The following NCKAP5 variants were observed in gnomAD, a reference collection of about 807,000 sequenced individuals.
NCKAP5 encodes the protein NCK associated protein 5.
Under a neutral mutation model 167.0 loss-of-function variants are expected in NCKAP5, and 92 were observed. The ratio of observed to expected loss-of-function variants is 0.55; its 90% CI spans 0.47 to 0.66. NCKAP5 has a LOEUF of 0.66. Ranked by LOEUF, NCKAP5 falls within the 30% of genes least tolerant of loss-of-function variation. The pLI is 0.00. For missense variants in NCKAP5, 2,378 were observed against 2,315.0 expected (o/e 1.03, Z -0.56); for synonymous variants, 891 against 877.4 (o/e 1.02, Z -0.27).
Position 132,895,279 on chromosome 2 carries a change from C to T in NCKAP5, c.580-16363G>A, listed in dbSNP as rs139462009. Among the ~76,000 whole-genome samples, 702 of 147,988 alleles carry T rather than the reference C, an allele frequency of 4.7e-3. 2 individuals are homozygous for T. Among genetic ancestry groups the T allele is most frequent in the Middle Eastern group, 0.015 (4 of 268 alleles). On this transcript the variant is annotated intron_variant, in intron 8 of 19. Transcript: ENST00000409261. ...CCGGGAGGCGGAGTTTGCGGTGAGC[C>T]GAGATCGCGTCACTGCACTCCAGCC...
intron 5 of NCKAP5, among the ~76,000 whole-genome samples, chr2:133,142,156 C>T (rs2083023876): frequency 6.6e-6 from 1 of 152,048 alleles, no homozygotes; most frequent in Non-Finnish European, 1.5e-5. Context: ...AAGGGGAAAA[C>T]ATATACTCTT....
intron 8 of NCKAP5, among the ~76,000 whole-genome samples, chr2:132,960,342 G>T (rs2076475044): frequency 6.6e-6 from 1 of 152,154 alleles, no homozygotes. Flanking sequence ...GTGTCTGAGG[G>T]AGAGGAGAGT....
In NCKAP5 at chr2:133,469,451, C is replaced by G. The variant is rs574455291; in HGVS notation, c.69+48007G>C. Among the ~76,000 whole-genome samples, 1,021 of 152,176 alleles carry G rather than the reference C, an allele frequency of 6.7e-3. 17 individuals carry two copies. Among genetic ancestry groups the G allele is most frequent in the African/African-American group, 0.023 (955 of 41,492 alleles). On this transcript the variant is annotated intron_variant, in intron 3 of 19. Coordinates refer to ENST00000409261, the MANE Select transcript of NCKAP5 (RefSeq NM_207363.3). ...CTCTGGCTGCCCTTAACATTTTTTCCTTCATTTCAACTTTGGTGAATCTGA... is the reference window on the plus strand; with the variant it reads ...CTCTGGCTGCCCTTAACATTTTTTCGTTCATTTCAACTTTGGTGAATCTGA...
At chr2:133,031,500 C>T (rs1418222638) in intron 6 of NCKAP5, among the ~76,000 whole-genome samples, 2 of 152,170 alleles carry the variant, frequency 1.3e-5, no homozygotes, top group African/African-American at 2.4e-5. Context: ...TCCATGTCTC[C>T]GAGTAAACTT....
chr2:133,459,417 G>C (rs538254691), intron 3 of NCKAP5, among the ~76,000 whole-genome samples: 23 of 152,168 alleles, frequency 1.5e-4, no homozygotes, highest in Non-Finnish European at 3.4e-4. Context: ...TGAGTGTAAG[G>C]TTCTTATAGG....
At chr2:133,153,781 G>A (rs927113030) in intron 5 of NCKAP5, among the ~76,000 whole-genome samples, 3 of 150,006 alleles carry the variant, frequency 2.0e-5, no homozygotes, top group African/African-American at 7.4e-5. Context: ...CCTTAGTTTA[G>A]CTGGTGAGTT....
chr2:133,403,170 G>A (rs1204062520), intron 3 of NCKAP5, among the ~76,000 whole-genome samples: 2 of 152,192 alleles, frequency 1.3e-5, no homozygotes, highest in East Asian at 3.9e-4. Flanking sequence ...TTTAGAAAGT[G>A]AGCCTGCAAA....
In NCKAP5 at chr2:133,100,601, G is replaced by A. The variant is rs181589298; in HGVS notation, c.341+29377C>T. Among the ~76,000 whole-genome samples, 581 of 152,216 alleles carry A rather than the reference G, an allele frequency of 3.8e-3. 3 individuals carry two copies. Among genetic ancestry groups the A allele is most frequent in the African/African-American group, 0.012 (515 of 41,530 alleles). On this transcript the variant is annotated intron_variant, in intron 6 of 19. Transcript: ENST00000409261. ...TCAAAAAAGTAAAAATTGGGTTGTA[G>A]CAACAGCGTAAGAAATCCTTTTTGG...
intron 4 of NCKAP5, among the ~76,000 whole-genome samples, chr2:133,224,156 C>T (rs2086781068): frequency 6.6e-6 from 1 of 152,062 alleles, no homozygotes; most frequent in Non-Finnish European, 1.5e-5. Context: ...CGAATGACAC[C>T]CACATTTTCA....
chr2:133,525,003 C>T lies in NCKAP5; in HGVS notation c.-61-7416G>A, dbSNP rs565202768. The stretch of plus-strand genomic sequence containing the variant: ...GTGCATGTGTGTGTGTATTCACATG[C>T]ACTCTGACAACAAAACCACCCCCAC... On this transcript the variant is annotated intron_variant, in intron 2 of 19. Coordinates refer to ENST00000409261, the MANE Select transcript of NCKAP5 (RefSeq NM_207363.3). 5.9e-5 allele frequency among the ~76,000 whole-genome samples: 9 copies of T among 152,192 alleles called. 1 individual carries two copies. In the East Asian group the frequency reaches 9.7e-4, roughly 16 times the overall value.
chr2:132,700,468 T>A (rs1315986252), intron 19 of NCKAP5, among the ~76,000 whole-genome samples: 1 of 152,234 alleles, frequency 6.6e-6, no homozygotes, highest in African/African-American at 2.4e-5. Context: ...GTCTAACATT[T>A]CAGTCTTTAA....
At chr2:132,887,319 TTATC>T (rs142083213) in intron 8 of NCKAP5, among the ~76,000 whole-genome samples, 64 of 140,906 alleles carry the variant, frequency 4.5e-4, no homozygotes, top group Middle Eastern at 3.4e-3. Context: ...AACTTTTATT[TTATC>T]TATCTATCTA....
intron 3 of NCKAP5, among the ~76,000 whole-genome samples, chr2:133,307,618 G>A (rs1680875394): frequency 6.6e-6 from 1 of 152,108 alleles, no homozygotes; most frequent in African/African-American, 2.4e-5. Context: ...TTAGTTTATA[G>A]ACAAACCATA....
At chr2:133,579,516 C>G in the NCKAP5 span, among the ~76,000 whole-genome samples, 1 of 152,132 alleles carries the variant, frequency 6.6e-6, no homozygotes, top group Non-Finnish European at 1.5e-5. Flanking sequence ...CAGACTCCAC[C>G]CTTCTTTTGC....
intron 6 of NCKAP5, among the ~76,000 whole-genome samples, chr2:133,038,597 C>G (rs903323531): frequency 3.9e-5 from 6 of 152,082 alleles, no homozygotes; most frequent in Admixed American, 6.6e-5. Flanking sequence ...CTTAATTGCA[C>G]ATTTAAAAAT....
chr2:132,800,491 T>G (rs1324763847), intron 11 of NCKAP5, among the ~76,000 whole-genome samples: 35 of 152,176 alleles, frequency 2.3e-4, no homozygotes, highest in Admixed American at 2.3e-3. Flanking sequence ...ACTCCTAATT[T>G]CACACATTTT....
chr2:132,906,013 T>G (rs1693984417), intron 8 of NCKAP5, among the ~76,000 whole-genome samples: 1 of 152,230 alleles, frequency 6.6e-6, no homozygotes. Flanking sequence ...CTCCAGCATA[T>G]TTTTCTATTG....
Position 133,183,443 on chromosome 2 carries a change from A to G in NCKAP5, c.207+30273T>C, listed in dbSNP as rs535351254. ...TCATCAGAGGGACATGAGAATGGAA[A>G]AAAATATCCATCTTATCAACAGTCT... On this transcript the variant is annotated intron_variant, in intron 5 of 19. Transcript: ENST00000409261. Among the ~76,000 whole-genome samples, 19 of 152,296 alleles carry G rather than the reference A, an allele frequency of 1.2e-4. 1 individual carries two copies. In the South Asian group the frequency reaches 3.7e-3, roughly 30 times the overall value.
chr2:133,094,167 G>C (rs6732376), intron 6 of NCKAP5, among the ~76,000 whole-genome samples: 7,751 of 152,148 alleles, frequency 0.051, 633 homozygotes, highest in African/African-American at 0.17. Flanking sequence ...GAACATTGTC[G>C]CCGGATAATA....
Sources: allele counts gnomAD v4.1 joint callset (sites outside exome capture counted in the v4.1 genomes callset), GRCh38; gene constraint gnomAD v4.1.1; transcripts MANE v1.5; gene names NCBI Gene and HGNC (gene_info 2026-07-23, HGNC 2026-07-21).